LOC128125814: variants seen among roughly 807,000 people sequenced by gnomAD.
the LOC128125814 span, chr12:57,517,850 C>A: frequency 2.3e-6 from 1 of 431,790 alleles, no homozygotes; most frequent in Non-Finnish European, 4.0e-6. Context: ...TTTTTTGAGA[C>A]CAAGTCTTGC....
chr12:57,519,127 G>A, the LOC128125814 span: 2 of 532,656 alleles, frequency 3.8e-6, no homozygotes, highest in South Asian at 1.4e-5. Flanking sequence ...CCACCCCTCC[G>A]CAACTCTATT....
the LOC128125814 span, among the ~76,000 whole-genome samples, chr12:57,517,972 G>A: frequency 1.2e-4 from 19 of 152,068 alleles, no homozygotes; most frequent in Middle Eastern, 3.4e-3. Flanking sequence ...GACTACAGGC[G>A]CGTGCCACCA....
chr12:57,519,315 T>C, the LOC128125814 span: 2 of 440,700 alleles, frequency 4.5e-6, no homozygotes, highest in East Asian at 6.6e-5. Context: ...ACATTCTCCA[T>C]TCCTTTCTCT....
the LOC128125814 span, among the ~76,000 whole-genome samples, chr12:57,519,843 CCT>C: frequency 4.0e-4 from 61 of 152,316 alleles, 1 homozygote; most frequent in African/African-American, 1.4e-3. Context: ...GGCCCAGAGA[CCT>C]CTACGGCAAA....
chr12:57,519,928 G>A, the LOC128125814 span, among the ~76,000 whole-genome samples: 1 of 152,186 alleles, frequency 6.6e-6, no homozygotes, highest in Non-Finnish European at 1.5e-5. Context: ...TCCCCTATCC[G>A]CTGCAGGGTC....
chr12:57,520,277 C>T, the LOC128125814 span: 124 of 396,320 alleles, frequency 3.1e-4, 1 homozygote, highest in Non-Finnish European at 4.5e-4. Flanking sequence ...GTAAGCACCA[C>T]CCCAGAATAA....
chr12:57,519,093 A>G, the LOC128125814 span: 6 of 531,286 alleles, frequency 1.1e-5, no homozygotes, highest in East Asian at 3.3e-4. Flanking sequence ...CTGACTGCAG[A>G]AGGTCTTCCC....
At chr12:57,517,947 C>T in the LOC128125814 span, among the ~76,000 whole-genome samples, 1 of 152,008 alleles carries the variant, frequency 6.6e-6, no homozygotes, top group Non-Finnish European at 1.5e-5. Flanking sequence ...CTGCCTCGGC[C>T]TCCCGAGTAG....
At chr12:57,519,448 A>G in the LOC128125814 span, among the ~76,000 whole-genome samples, 2 of 152,120 alleles carry the variant, frequency 1.3e-5, no homozygotes, top group Non-Finnish European at 2.9e-5. Flanking sequence ...GTAGGTCCTC[A>G]TTAAGTATTT....
chr12:57,518,683 C>T, the LOC128125814 span, among the ~76,000 whole-genome samples: 27 of 152,126 alleles, frequency 1.8e-4, no homozygotes, highest in African/African-American at 1.4e-4. Context: ...TTTTCTGAGA[C>T]GGGTCTCACT....
the LOC128125814 span, among the ~76,000 whole-genome samples, chr12:57,519,883 G>T: frequency 6.6e-6 from 1 of 152,192 alleles, no homozygotes; most frequent in African/African-American, 2.4e-5. Context: ...CCTGTCCATC[G>T]GCACCCCTCC....
chr12:57,517,764 C>A, the LOC128125814 span: 1 of 429,946 alleles, frequency 2.3e-6, no homozygotes, highest in Non-Finnish European at 4.1e-6. Flanking sequence ...CTGTGGGCAA[C>A]AAAGAGAAAT....
the LOC128125814 span, among the ~76,000 whole-genome samples, chr12:57,520,094 C>T: frequency 1.3e-5 from 2 of 152,244 alleles, no homozygotes; most frequent in Non-Finnish European, 2.9e-5. Flanking sequence ...GTGTGTCCTG[C>T]TGACCTGCCT....
At chr12:57,520,327 C>A in the LOC128125814 span, 1 of 398,196 alleles carries the variant, frequency 2.5e-6, no homozygotes. Flanking sequence ...TCCCTAACTT[C>A]ACTGTGGAGG....
chr12:57,518,115 G>A, the LOC128125814 span, among the ~76,000 whole-genome samples: 1 of 151,372 alleles, frequency 6.6e-6, no homozygotes, highest in Non-Finnish European at 1.5e-5. Context: ...ACCGTGCTGG[G>A]CCCTTATTTT....
the LOC128125814 span, chr12:57,517,794 G>A: frequency 2.3e-6 from 1 of 429,320 alleles, no homozygotes; most frequent in Non-Finnish European, 4.1e-6. Flanking sequence ...TTTTGGAAGG[G>A]GGAGAGGCAA....
the LOC128125814 span, chr12:57,519,192 C>T: frequency 7.5e-6 from 4 of 533,314 alleles, no homozygotes; most frequent in African/African-American, 7.7e-5. Flanking sequence ...TCTGCTCAAA[C>T]CCTCCAATGA....
At chr12:57,519,151 C>G in the LOC128125814 span, 1 of 533,276 alleles carries the variant, frequency 1.9e-6, no homozygotes, top group Non-Finnish European at 3.8e-6. Flanking sequence ...CATACAGCAG[C>G]CTGAGTGAGC....
the LOC128125814 span, among the ~76,000 whole-genome samples, chr12:57,520,119 C>A: frequency 6.6e-6 from 1 of 152,228 alleles, no homozygotes; most frequent in African/African-American, 2.4e-5. Flanking sequence ...GCGGACAGGC[C>A]TAACGATGAG....
Sources: gnomAD v4.1 joint callset for allele counts (sites outside exome capture counted in the v4.1 genomes callset) on GRCh38, gnomAD v4.1.1 for gene constraint, MANE v1.5 for transcripts.